The following DSCAM variants were observed in gnomAD, a reference collection of about 807,000 sequenced individuals.
DSCAM encodes the protein DS cell adhesion molecule.
DSCAM carries 47 observed loss-of-function variants against 217.7 expected under a neutral mutation model. The observed-to-expected ratio is 0.22, with a 90% CI of 0.17 to 0.28. The LOEUF (loss-of-function observed/expected upper bound fraction) is 0.28. DSCAM is among the 10% of genes least tolerant of loss of function. The pLI, the probability that DSCAM is intolerant of heterozygous loss-of-function variation, is 1.00. For synonymous variants in DSCAM, 1,056 were observed against 1,015.3 expected (o/e 1.04, Z -0.76); for missense variants, 2,080 against 2,618.3 (o/e 0.79, Z 4.49).
intron 1 of DSCAM, among the ~76,000 whole-genome samples, chr21:40,742,365 G>A (rs2091132622): frequency 6.6e-6 from 1 of 152,126 alleles, no homozygotes; most frequent in Admixed American, 6.5e-5. Context: ...TAATGAATTT[G>A]TTTAAAGATG....
chr21:40,182,175 G>A (rs1375617218), intron 14 of DSCAM, among the ~76,000 whole-genome samples: 2 of 152,188 alleles, frequency 1.3e-5, no homozygotes, highest in African/African-American at 4.8e-5. Flanking sequence ...AAGTTCTGGA[G>A]GTGAATTACA....
chr21:40,523,800 AAC>A (rs141294590), intron 3 of DSCAM, among the ~76,000 whole-genome samples: 17 of 149,648 alleles, frequency 1.1e-4, no homozygotes, highest in East Asian at 2.0e-4. Context: ...GTAACACACA[AAC>A]ACACACACAC....
At chr21:40,175,766 T>C (rs1262225926) in intron 15 of DSCAM, among the ~76,000 whole-genome samples, 1 of 110,094 alleles carries the variant, frequency 9.1e-6, no homozygotes, top group Non-Finnish European at 1.9e-5. Context: ...GCATATATTT[T>C]CTCAACACAC....
chr21:40,028,445 A>C (rs1244022338), intron 32 of DSCAM, among the ~76,000 whole-genome samples: 3 of 151,678 alleles, frequency 2.0e-5, no homozygotes, highest in Non-Finnish European at 4.4e-5. Flanking sequence ...CCCCTCCCCC[A>C]GCCTGGCTGC....
At chr21:40,043,326 T>G (rs2088787793) in intron 31 of DSCAM, among the ~76,000 whole-genome samples, 1 of 152,066 alleles carries the variant, frequency 6.6e-6, no homozygotes. Context: ...AGTTTTAGGG[T>G]CTCCTCTGTG....
rs1163915424 is a variant in DSCAM, at chr21:40,620,246, AAG to A, written c.508+72562_508+72563del. ...AAAGAAAAAGAAAGAAAGAGAGAGAAAGAGAGAGAAAAAAGAAAAAGAAAGAA... is the reference window on the plus strand; with the variant it reads ...AAAGAAAAAGAAAGAAAGAGAGAGAAAGAGAGAAAAAAGAAAAAGAAAGAA... On this transcript the variant is annotated intron_variant, in intron 3 of 32. Transcript: ENST00000400454. Among the ~76,000 whole-genome samples the A allele has an allele frequency of 4.7e-3, 336 of 70,896 alleles. 11 individuals carry two copies. Among genetic ancestry groups the A allele is most frequent in the Middle Eastern group, 0.016 (2 of 122 alleles). 46.5% of individuals were successfully genotyped at this position (70,896 alleles called of 152,430 possible). A position where few individuals can be genotyped will look rare whatever the true frequency, so the allele number is the denominator to read the frequency against.
Position 40,105,985 on chromosome 21 carries a change from C to T in DSCAM, c.3697-12111G>A, listed in dbSNP as rs529451852. Among the ~76,000 whole-genome samples, 139 of 152,214 alleles carry T rather than the reference C, an allele frequency of 9.1e-4. 1 individual carries two copies. Among genetic ancestry groups the T allele is most frequent in the African/African-American group, 3.2e-3 (132 of 41,554 alleles). ...GATCATGGTGGATAAGTGTATTAGC[C>T]CATTTTTATACTGCTATGAAGAAAT... On this transcript the variant is annotated intron_variant, in intron 20 of 32. Coordinates refer to ENST00000400454, the MANE Select transcript of DSCAM (RefSeq NM_001389.5).
At chr21:40,460,498 ATAAT>A (rs1254938888) in intron 3 of DSCAM, among the ~76,000 whole-genome samples, 3 of 152,160 alleles carry the variant, frequency 2.0e-5, no homozygotes, top group African/African-American at 7.2e-5. Context: ...CACATAAAAA[ATAAT>A]TATTTACAGC....
chr21:40,778,466 CTT>C (rs975763980), intron 1 of DSCAM, among the ~76,000 whole-genome samples: 1 of 152,066 alleles, frequency 6.6e-6, no homozygotes, highest in African/African-American at 2.4e-5. Flanking sequence ...CCAAAACCTG[CTT>C]TTGTTTTTTG....
chr21:40,022,820 A>C (rs1478815702), intron 32 of DSCAM, among the ~76,000 whole-genome samples: 1 of 152,078 alleles, frequency 6.6e-6, no homozygotes, highest in Admixed American at 6.6e-5. Flanking sequence ...ATTAGCAACA[A>C]GTAATATTTA....
intron 3 of DSCAM, among the ~76,000 whole-genome samples, chr21:40,687,771 T>C (rs549938619): frequency 1.4e-4 from 21 of 152,288 alleles, no homozygotes; most frequent in Admixed American, 4.6e-4. Flanking sequence ...CCTCAGGCCC[T>C]AAGCGCCTAC....
intron 3 of DSCAM, among the ~76,000 whole-genome samples, chr21:40,425,380 A>G (rs2075462585): frequency 6.6e-6 from 1 of 152,128 alleles, no homozygotes; most frequent in Non-Finnish European, 1.5e-5. Context: ...AACAAAAATT[A>G]TGAGTGAGAA....
intron 3 of DSCAM, among the ~76,000 whole-genome samples, chr21:40,678,252 T>A (rs1338459549): frequency 6.6e-6 from 1 of 152,188 alleles, no homozygotes; most frequent in Admixed American, 6.5e-5. Context: ...AAACAGGTCA[T>A]ATAATTTTTA....
chr21:40,525,964 C>T (rs998396198), intron 3 of DSCAM, among the ~76,000 whole-genome samples: 10 of 151,954 alleles, frequency 6.6e-5, no homozygotes, highest in African/African-American at 2.4e-4. Context: ...CCAAATCTCT[C>T]GGGGGCCCCA....
chr21:40,442,281 G>A (rs2075637149), intron 3 of DSCAM, among the ~76,000 whole-genome samples: 1 of 152,084 alleles, frequency 6.6e-6, no homozygotes. Context: ...CATATGTGTA[G>A]AGAGAAGTCT....
chr21:40,151,042 C>T (rs1190960675), intron 16 of DSCAM, among the ~76,000 whole-genome samples: 1 of 151,996 alleles, frequency 6.6e-6, no homozygotes, highest in Non-Finnish European at 1.5e-5. Context: ...CCACTTTGAC[C>T]ATGCCTCTTT....
intron 3 of DSCAM, among the ~76,000 whole-genome samples, chr21:40,686,682 G>A (rs894395678): frequency 6.6e-6 from 1 of 152,114 alleles, no homozygotes; most frequent in African/African-American, 2.4e-5. Context: ...GTCTCCTCCT[G>A]GCAGGCTGAG....
chr21:40,128,596 C>T (rs1309203729), intron 19 of DSCAM, among the ~76,000 whole-genome samples: 1 of 150,972 alleles, frequency 6.6e-6, no homozygotes, highest in African/African-American at 2.4e-5. Context: ...CCATGTGAGA[C>T]TTTCCTATTG....
chr21:40,028,593 G>C (rs1475476140), intron 32 of DSCAM, among the ~76,000 whole-genome samples: 2 of 152,170 alleles, frequency 1.3e-5, no homozygotes, highest in African/African-American at 4.8e-5. Context: ...CAGTATTCGG[G>C]TGGGAGTGAC....
Sources: gnomAD v4.1 joint callset for allele counts (sites outside exome capture counted in the v4.1 genomes callset) on GRCh38, gnomAD v4.1.1 for gene constraint, MANE v1.5 for transcripts, NCBI Gene and HGNC (gene_info 2026-07-23, HGNC 2026-07-21) for gene names.